Variants in MBP observed in about 807,000 individuals in gnomAD.
MBP encodes Golli-MBP.
In MBP, 16 loss-of-function variants were observed where a neutral mutation model predicts 35.8. The ratio of observed to expected loss-of-function variants is 0.45; its 90% CI spans 0.30 to 0.68. The LOEUF (loss-of-function observed/expected upper bound fraction) is 0.68, where lower values mean the gene tolerates loss of function less well. Ranked by LOEUF, MBP falls within the 30% of genes least tolerant of loss-of-function variation. The probability of loss-of-function intolerance (pLI) is 0.08; values close to 1 mark genes in which losing one functional copy is unlikely to be tolerated. For synonymous variants in MBP, 143 were observed against 159.6 expected (o/e 0.90, Z 0.78); for missense variants, 380 against 404.7 (o/e 0.94, Z 0.52).
chr18:77,083,871 C>T (rs1667909), intron 2 of MBP, among the ~76,000 whole-genome samples: 150,643 of 152,296 alleles, frequency 0.99, 74,527 homozygotes, highest in East Asian at 1. Context: ...TGCTAGAAGG[C>T]ACAGGTTTCT....
At position 77,131,406 on chromosome 18, in the gene MBP, G is replaced by C. The variant is rs1165935969; in HGVS notation, c.-26+1174C>G. 6.6e-6 allele frequency: 1 copy of C among 152,182 alleles called. No homozygotes were observed. The highest frequency in any genetic ancestry group is 1.5e-5 in the Non-Finnish European group (1 of 68,102). The allele number at this position is 152,182 out of a possible 1,614,324, so 9.4% of individuals were successfully genotyped here. A position where few individuals can be genotyped will look rare whatever the true frequency, so the allele number is the denominator to read the frequency against. On this transcript the variant is annotated intron_variant, in intron 1 of 8. Coordinates refer to ENST00000355994, the MANE Select transcript of MBP (RefSeq NM_001025101.2). The surrounding 1 kb of genome is among the most constrained non-coding windows in gnomAD (Gnocchi z 5.5). ...CCTCTGAAAAACTCTCTTTCCAGGC[G>C]GGGCGTTCTGTGGTCAGACGAGGCA...
intron 4 of MBP, chr18:77,013,816 A>C (rs966651675): frequency 3.0e-6 from 3 of 985,354 alleles, no homozygotes; most frequent in Non-Finnish European, 3.6e-6. Flanking sequence ...GCACATCACC[A>C]TGTCCAGCTT....
At chr18:77,023,170 T>C (rs555543242) in intron 3 of MBP, among the ~76,000 whole-genome samples, 4 of 152,298 alleles carry the variant, frequency 2.6e-5, no homozygotes, top group African/African-American at 4.8e-5. Context: ...AGGGGTATCA[T>C]GTATCTCCGA....
rs149571322 is a variant in MBP at position 77,034,597 on chromosome 18, C to T, written c.140-17329G>A. Among the ~76,000 whole-genome samples the T allele has an allele frequency of 9.2e-4, 140 of 152,352 alleles. 1 individual carries two copies. The East Asian group carries it at 0.022, about 24-fold the overall frequency. ...CTGCCTCCCACAGTGGAGCCTCCCGCTGCCTCTGGGAGCCAGGGCTGCAGG... is the reference window on the plus strand; with the variant it reads ...CTGCCTCCCACAGTGGAGCCTCCCGTTGCCTCTGGGAGCCAGGGCTGCAGG... On this transcript the variant is annotated intron_variant, in intron 3 of 8. Coordinates refer to ENST00000355994, the MANE Select transcript of MBP (RefSeq NM_001025101.2).
At position 77,100,511 on chromosome 18, in the gene MBP, GTGTGTGT is replaced by G. The variant is rs1568339757; in HGVS notation, c.51+4693_51+4699del. ...CGCTGGCCTAGATAGAATTTGGGGT[GTGTGTGT>G]GTGTGTGTGTGTGTGTGTGTGTGTG... On this transcript the variant is annotated intron_variant, in intron 2 of 8. Transcript: ENST00000355994. Among the ~76,000 whole-genome samples, 338 of 52,346 alleles carry G rather than the reference GTGTGTGT, an allele frequency of 6.5e-3. 3 individuals carry two copies. Among genetic ancestry groups the G allele is most frequent in the East Asian group, 0.033 (17 of 516 alleles). 34.3% of individuals were successfully genotyped at this position (52,346 alleles called of 152,430 possible). A position where few individuals can be genotyped will look rare whatever the true frequency, so the allele number is the denominator to read the frequency against.
At chr18:77,088,204 A>T (rs1612497) in intron 2 of MBP, among the ~76,000 whole-genome samples, 1 of 152,176 alleles carries the variant, frequency 6.6e-6, no homozygotes, top group African/African-American at 2.4e-5. Context: ...AACCCTTCCT[A>T]CCGGTTCTGC....
At chr18:77,081,356 C>T (rs1974890820) in intron 2 of MBP, among the ~76,000 whole-genome samples, 1 of 152,026 alleles carries the variant, frequency 6.6e-6, no homozygotes, top group Admixed American at 6.5e-5. Flanking sequence ...AACTCAACAA[C>T]AAAAAGACAA....
At chr18:77,107,287 A>G (rs1384507160) in intron 1 of MBP, among the ~76,000 whole-genome samples, 3 of 152,106 alleles carry the variant, frequency 2.0e-5, no homozygotes, top group Admixed American at 6.5e-5. Context: ...TCCAGACATA[A>G]ATGAACCTCC....
chr18:77,010,983 G>C (rs1052786373), intron 4 of MBP, among the ~76,000 whole-genome samples: 2 of 152,204 alleles, frequency 1.3e-5, no homozygotes, highest in African/African-American at 4.8e-5. Context: ...CAGATGAAAT[G>C]GATTCTTTTA....
At chr18:77,046,273 A>C (rs1973251724) in intron 3 of MBP, among the ~76,000 whole-genome samples, 1 of 152,236 alleles carries the variant, frequency 6.6e-6, no homozygotes, top group Non-Finnish European at 1.5e-5. Flanking sequence ...GAACATTCTC[A>C]GGCACGGAAG....
intron 2 of MBP, among the ~76,000 whole-genome samples, chr18:77,078,296 A>G (rs1599198173): frequency 6.6e-6 from 1 of 151,492 alleles, no homozygotes; most frequent in Non-Finnish European, 1.5e-5. Flanking sequence ...CTACCTTCCT[A>G]CCTCCACTTT....
chr18:77,013,761 A>G lies in MBP; in HGVS notation c.576+3071T>C, dbSNP rs59267293. On this transcript the variant is annotated intron_variant, in intron 4 of 8. Transcript: ENST00000355994. ...AGTACACGGCACGGAGAAGTGGGGT[A>G]CTGGGATGTCCTGGCTGCTTTCTGC... 631 of 985,462 alleles carry G rather than the reference A, an allele frequency of 6.4e-4. 6 individuals carry two copies. The African/African-American group carries it at 0.01, about 16-fold the overall frequency. 61.0% of individuals were successfully genotyped at this position (985,462 alleles called of 1,614,324 possible).
intron 2 of MBP, among the ~76,000 whole-genome samples, chr18:77,099,965 G>A (rs1276124996): frequency 6.6e-6 from 1 of 152,270 alleles, no homozygotes; most frequent in African/African-American, 2.4e-5. Flanking sequence ...AGACATGGCG[G>A]CAAATGCCAA....
chr18:77,080,610 T>G (rs1049617959), intron 2 of MBP, among the ~76,000 whole-genome samples: 1 of 152,260 alleles, frequency 6.6e-6, no homozygotes, highest in Non-Finnish European at 1.5e-5. Context: ...AGAGAGGAAG[T>G]GAAAGCTGCC....
At chr18:77,030,858 C>T (rs1474912016) in intron 3 of MBP, among the ~76,000 whole-genome samples, 1 of 152,154 alleles carries the variant, frequency 6.6e-6, no homozygotes, top group Non-Finnish European at 1.5e-5. Flanking sequence ...CTGTAACTGA[C>T]CCTGTTTCAG....
intron 2 of MBP, among the ~76,000 whole-genome samples, chr18:77,067,439 T>G (rs1272106065): frequency 6.6e-6 from 1 of 152,242 alleles, no homozygotes; most frequent in Non-Finnish European, 1.5e-5. Flanking sequence ...CACAGCCCGC[T>G]AGCATTTCAG....
chr18:77,062,797 A>G (rs1974035889), intron 3 of MBP, among the ~76,000 whole-genome samples: 1 of 152,216 alleles, frequency 6.6e-6, no homozygotes, highest in Non-Finnish European at 1.5e-5. Context: ...CAATGCGCCA[A>G]TCAGTCTTAA....
rs145799329 is a variant in MBP, at chr18:77,048,788, T to C, written c.139+17510A>G. Among the ~76,000 whole-genome samples, 325 of 152,266 alleles carry C rather than the reference T, an allele frequency of 2.1e-3. 1 individual carries two copies. Among genetic ancestry groups the C allele is most frequent in the African/African-American group, 7.1e-3 (297 of 41,546 alleles). On this transcript the variant is annotated intron_variant, in intron 3 of 8. Transcript: ENST00000355994. ...CAATCTCTGTAGGTTCTATAATCTCTATTTTACAGATGGAAAAACTGAGGA... is the reference window on the plus strand; with the variant it reads ...CAATCTCTGTAGGTTCTATAATCTCCATTTTACAGATGGAAAAACTGAGGA...
At chr18:77,029,443 G>GGGGAGGGGGAGA in intron 3 of MBP, among the ~76,000 whole-genome samples, 1 of 126,096 alleles carries the variant, frequency 7.9e-6, no homozygotes, top group Non-Finnish European at 1.7e-5. Context: ...GGAGAGGGAG[G>GGGGAGGGGGAGA]GGGAGGGGGA....
Sources: gnomAD v4.1 joint callset for allele counts (sites outside exome capture counted in the v4.1 genomes callset) on GRCh38, gnomAD v4.1.1 for gene constraint, Gnocchi (gnomAD v3.1) non-coding constraint, MANE v1.5 for transcripts, NCBI Gene and HGNC (gene_info 2026-07-23, HGNC 2026-07-21) for gene names.